RAB3B: variants seen among roughly 807,000 people sequenced by gnomAD.
RAB3B encodes the protein ras-related protein Rab-3B.
Under a neutral mutation model 20.5 loss-of-function variants are expected in RAB3B, and 11 were observed. That is an observed-to-expected ratio of 0.54 (90% CI 0.34 to 0.89). The LOEUF (loss-of-function observed/expected upper bound fraction) is 0.89, where lower values mean the gene tolerates loss of function less well. Among genes scored for constraint, RAB3B ranks in the 40% least tolerant of loss-of-function variants. The pLI is 0.02. For missense variants in RAB3B, 225 were observed against 280.9 expected (o/e 0.80, Z 1.42); for synonymous variants, 99 against 106.3 (o/e 0.93, Z 0.42).
At chr1:51,951,690 T>G (rs564738262) in intron 2 of RAB3B, among the ~76,000 whole-genome samples, 6 of 152,248 alleles carry the variant, frequency 3.9e-5, no homozygotes, top group Admixed American at 6.5e-5. Context: ...CCTACACCTG[T>G]GGTCCCTCAG....
At chr1:51,943,294 G>T (rs2124265271) in intron 2 of RAB3B, among the ~76,000 whole-genome samples, 1 of 152,236 alleles carries the variant, frequency 6.6e-6, no homozygotes, top group Middle Eastern at 3.4e-3. Flanking sequence ...TGAGGCAGGA[G>T]AATCACTTGA....
Position 51,919,446 on chromosome 1 carries a change from A to C in RAB3B, c.*481T>G, listed in dbSNP as rs1684137565. ...GCAGGGCTTTGAGAGCCCAAGCTTG[A>C]CTTGTAGTGAGAGAAAGCCCCGCAG... On this transcript the variant is annotated 3_prime_UTR_variant, in exon 5 of 5. Coordinates refer to ENST00000371655, the MANE Select transcript of RAB3B (RefSeq NM_002867.4). The C allele has an allele frequency of 6.5e-6, 1 of 152,984 alleles. No individual in the cohort carries two copies. Among genetic ancestry groups the C allele is most frequent in the Admixed American group, 6.5e-5 (1 of 15,376 alleles). 9.5% of individuals were successfully genotyped at this position (152,984 alleles called of 1,614,324 possible). A position where few individuals can be genotyped will look rare whatever the true frequency, so the allele number is the denominator to read the frequency against.
rs1337621935 is a variant in RAB3B at position 51,917,146 on chromosome 1, G to A, written c.*2781C>T. ...ATCTTCAAATGAGGCTCACTATAGTGCCTCCCTCACAAGATGTTGGGAAGA... is the reference window on the plus strand; with the variant it reads ...ATCTTCAAATGAGGCTCACTATAGTACCTCCCTCACAAGATGTTGGGAAGA... On this transcript the variant is annotated 3_prime_UTR_variant, in exon 5 of 5. Coordinates refer to ENST00000371655, the MANE Select transcript of RAB3B (RefSeq NM_002867.4). 1 of 152,144 alleles carries A rather than the reference G, an allele frequency of 6.6e-6. No homozygotes were observed. The highest frequency in any genetic ancestry group is 1.5e-5 in the Non-Finnish European group (1 of 68,034). The allele number at this position is 152,144 out of a possible 1,614,324, so 9.4% of individuals were successfully genotyped here.
chr1:51,981,820 T>A (rs998901720), intron 1 of RAB3B, among the ~76,000 whole-genome samples: 8 of 152,208 alleles, frequency 5.3e-5, no homozygotes, highest in Non-Finnish European at 1.0e-4. Context: ...TTTGTGTTGA[T>A]GCTGGTGTAA....
At chr1:51,958,071 T>A (rs2124285175) in intron 2 of RAB3B, among the ~76,000 whole-genome samples, 1 of 152,348 alleles carries the variant, frequency 6.6e-6, no homozygotes, top group Middle Eastern at 3.4e-3. Context: ...CCCCATGTTC[T>A]AGCTGAAGAA....
At chr1:51,947,545 A>G (rs573231779) in intron 2 of RAB3B, among the ~76,000 whole-genome samples, 3 of 152,348 alleles carry the variant, frequency 2.0e-5, no homozygotes, top group Non-Finnish European at 2.9e-5. Flanking sequence ...AACCATGTCT[A>G]AGGCTTCCAG....
At chr1:51,967,672 C>T (rs1300918714) in intron 2 of RAB3B, among the ~76,000 whole-genome samples, 1 of 151,364 alleles carries the variant, frequency 6.6e-6, no homozygotes, top group African/African-American at 2.4e-5. Flanking sequence ...CAGGCACATG[C>T]CACCACACAC....
chr1:51,989,269 A>T (rs1379811708), intron 1 of RAB3B, among the ~76,000 whole-genome samples: 22 of 122,954 alleles, frequency 1.8e-4, no homozygotes, highest in Admixed American at 4.9e-4. Context: ...TTGAGGGCCC[A>T]TCTTTCTCCC....
intron 2 of RAB3B, among the ~76,000 whole-genome samples, chr1:51,957,900 G>A (rs1192197206): frequency 1.3e-5 from 2 of 152,176 alleles, no homozygotes; most frequent in East Asian, 3.8e-4. Flanking sequence ...CAGTTGACAC[G>A]GCAACACACC....
chr1:51,950,683 T>C (rs1485593239), intron 2 of RAB3B, among the ~76,000 whole-genome samples: 3 of 152,192 alleles, frequency 2.0e-5, no homozygotes, highest in African/African-American at 7.2e-5. Context: ...CCCTGGGTCG[T>C]GCCCTGTTGC....
chr1:51,966,413 T>C (rs1302275305), intron 2 of RAB3B, among the ~76,000 whole-genome samples: 1 of 152,236 alleles, frequency 6.6e-6, no homozygotes, highest in Non-Finnish European at 1.5e-5. Flanking sequence ...CACATGTTTA[T>C]TGAATGGATT....
rs1684093394 is a variant in RAB3B at position 51,916,892 on chromosome 1, TG to T, written c.*3034del. 1 of 152,240 alleles carries T rather than the reference TG, an allele frequency of 6.6e-6. No individual in the cohort carries two copies. The highest frequency in any genetic ancestry group is 1.5e-5 in the Non-Finnish European group (1 of 68,032). The allele number at this position is 152,240 out of a possible 1,614,324, so 9.4% of individuals were successfully genotyped here. ...TCTTTTCTCCAGTGGACTTGGAATC[TG>T]ATGGCCCTGGAATTGAATCCTAATG... On this transcript the variant is annotated 3_prime_UTR_variant, in exon 5 of 5. Coordinates refer to ENST00000371655, the MANE Select transcript of RAB3B (RefSeq NM_002867.4).
At position 51,976,999 on chromosome 1, in the gene RAB3B, A is replaced by C; in HGVS notation, c.119T>G (p.Phe40Cys). 6.2e-7 allele frequency: 1 copy of C among 1,614,182 alleles called. No homozygotes were observed. The highest frequency in any genetic ancestry group is 8.5e-7 in the Non-Finnish European group (1 of 1,180,026). Residue 40 changes from phenylalanine to cysteine, a missense_variant, in exon 2 of 5, where the codon TTC (phenylalanine) becomes TGC (cysteine). Physicochemically the swap from Phe to Cys is radical, Grantham distance 205 (BLOSUM62 -2). Coordinates refer to ENST00000371655, the MANE Select transcript of RAB3B (RefSeq NM_002867.4). ...GGTGAACGTGTCATCAGCATAGCGG[A>C]AGAGGAAGGAGGTCTTGCCAACACT... ...NSSVGKTSFL[F>C]RYADDTFTPA... is the part of the protein sequence containing the mutation.
At chr1:51,928,406 C>T (rs1162189909) in intron 4 of RAB3B, among the ~76,000 whole-genome samples, 1 of 152,214 alleles carries the variant, frequency 6.6e-6, no homozygotes, top group African/African-American at 2.4e-5. Context: ...CAAGCCCAGC[C>T]TCACAGCTTT....
At chr1:51,959,739 G>C (rs909909348) in intron 2 of RAB3B, among the ~76,000 whole-genome samples, 3 of 152,194 alleles carry the variant, frequency 2.0e-5, no homozygotes, top group African/African-American at 4.8e-5. Flanking sequence ...AGGGATGTTA[G>C]CTAATAATAG....
At chr1:51,980,381 T>C (rs951885966) in intron 1 of RAB3B, 33 of 378,682 alleles carry the variant, frequency 8.7e-5, no homozygotes, top group Non-Finnish European at 1.4e-4. Context: ...TAAACCATGA[T>C]TGTGCCACTG....
At chr1:51,939,540 A>G (rs1684460823) in intron 2 of RAB3B, among the ~76,000 whole-genome samples, 1 of 152,088 alleles carries the variant, frequency 6.6e-6, no homozygotes, top group African/African-American at 2.4e-5. Context: ...CTCCCACCTC[A>G]GCCTGCAGAA....
At chr1:51,955,209 A>T (rs1476581386) in intron 2 of RAB3B, among the ~76,000 whole-genome samples, 1 of 151,992 alleles carries the variant, frequency 6.6e-6, no homozygotes, top group Non-Finnish European at 1.5e-5. Context: ...TATTAAGGTG[A>T]TTTTTCTCCC....
intron 2 of RAB3B, among the ~76,000 whole-genome samples, chr1:51,965,376 C>T (rs768374858): frequency 6.6e-6 from 1 of 152,052 alleles, no homozygotes; most frequent in Admixed American, 6.5e-5. Context: ...TTGGCTGGCC[C>T]GGTGGCTTAC....
Sources: allele counts gnomAD v4.1 joint callset (sites outside exome capture counted in the v4.1 genomes callset), GRCh38; gene constraint gnomAD v4.1.1; transcripts MANE v1.5; gene names NCBI Gene and HGNC (gene_info 2026-07-23, HGNC 2026-07-21).